The following KSR2 variants were observed in gnomAD, a reference collection of about 807,000 sequenced individuals.
The protein encoded by KSR2 is kinase suppressor of ras 2.
A neutral mutation model predicts 107.8 loss-of-function variants in KSR2; 25 were observed. The observed-to-expected ratio is 0.23, with a 90% CI of 0.17 to 0.32. The LOEUF (loss-of-function observed/expected upper bound fraction) is 0.32, where lower values mean the gene tolerates loss of function less well. KSR2 is among the 10% of genes least tolerant of loss of function. The probability of loss-of-function intolerance (pLI) is 1.00; values close to 1 mark genes in which losing one functional copy is unlikely to be tolerated. For missense variants in KSR2, 887 were observed against 1,268.9 expected (o/e 0.70, Z 4.57); for synonymous variants, 480 against 507.0 (o/e 0.95, Z 0.71).
rs1555268863 is a variant in KSR2, at chr12:117,462,263, A to AAAAAAAAAAAAT, written c.*4935_*4936insATTTTTTTTTTT. ...AAAAAAAAAAAAAAAAAAAAAAGAC[A>AAAAAAAAAAAAT]TGTTGAAGTCCTCATTCCTAGTACC... On this transcript the variant is annotated 3_prime_UTR_variant, in exon 20 of 20. Coordinates refer to ENST00000339824, the MANE Select transcript of KSR2 (RefSeq NM_173598.6). 1 of 141,232 alleles carries AAAAAAAAAAAAT rather than the reference A, an allele frequency of 7.1e-6. No homozygotes were observed. The allele number at this position is 141,232 out of a possible 1,614,324, so 8.7% of individuals were successfully genotyped here. A position where few individuals can be genotyped will look rare whatever the true frequency, so the allele number is the denominator to read the frequency against.
At chr12:117,470,518 C>G (rs1033060498) in intron 18 of KSR2, among the ~76,000 whole-genome samples, 1 of 152,168 alleles carries the variant, frequency 6.6e-6, no homozygotes, top group African/African-American at 2.4e-5. Context: ...ACAATACTTC[C>G]CAAACAGTTT....
At chr12:117,612,981 C>A (rs1881687402) in intron 5 of KSR2, among the ~76,000 whole-genome samples, 1 of 152,170 alleles carries the variant, frequency 6.6e-6, no homozygotes, top group African/African-American at 2.4e-5. Flanking sequence ...TGAGACTTCC[C>A]CAGCCATGTG....
intron 14 of KSR2, among the ~76,000 whole-genome samples, chr12:117,511,471 G>A (rs1874022608): frequency 6.6e-6 from 1 of 152,202 alleles, no homozygotes; most frequent in Non-Finnish European, 1.5e-5. Context: ...CAGCCTGGCA[G>A]GGTTAGGACT....
intron 4 of KSR2, among the ~76,000 whole-genome samples, chr12:117,692,458 ATATATATATATATATATATATATATATAT>A (rs1885859579): frequency 0.023 from 15 of 664 alleles, 3 homozygotes; most frequent in South Asian, 0.038. Context: ...TCATATATAT[ATATATATATATATATATATATATATATAT>A]ATATATATAT....
intron 1 of KSR2, among the ~76,000 whole-genome samples, chr12:117,919,498 A>C (rs1454433865): frequency 2.6e-5 from 4 of 152,252 alleles, no homozygotes; most frequent in African/African-American, 9.6e-5. Context: ...TTGTTGCAGT[A>C]CTGTTTGTAA....
intron 3 of KSR2, among the ~76,000 whole-genome samples, chr12:117,798,588 G>A (rs1022077980): frequency 4.6e-5 from 7 of 151,812 alleles, no homozygotes; most frequent in Non-Finnish European, 7.4e-5. Flanking sequence ...GGCTTAGATC[G>A]CACCATTGCA....
intron 5 of KSR2, among the ~76,000 whole-genome samples, chr12:117,610,450 C>T (rs1165426322): frequency 6.6e-6 from 1 of 151,994 alleles, no homozygotes; most frequent in Non-Finnish European, 1.5e-5. Flanking sequence ...AAAAATGATC[C>T]CAGTTATGAC....
chr12:117,615,072 G>A (rs569273387), intron 5 of KSR2, among the ~76,000 whole-genome samples: 2 of 151,984 alleles, frequency 1.3e-5, no homozygotes, highest in South Asian at 4.2e-4. Flanking sequence ...GGGTACCCTT[G>A]GCCCCTAGGG....
In KSR2 at chr12:117,842,405, A is replaced by G. The variant is rs536138207; in HGVS notation, c.472+13023T>C. On this transcript the variant is annotated intron_variant, in intron 3 of 19. Transcript: ENST00000339824. The surrounding 1 kb of genome is among the most constrained non-coding windows in gnomAD (Gnocchi z 4.2). ...AAAGGCCCTGGGGCAGGCGTTGTGA[A>G]GAAGAGAGGGTAGCTGGGTGCAATG... 6.6e-6 allele frequency among the ~76,000 whole-genome samples: 1 copy of G among 152,308 alleles called. No homozygotes were observed. The highest frequency in any genetic ancestry group is 2.1e-4 in the South Asian group (1 of 4,826).
intron 1 of KSR2, among the ~76,000 whole-genome samples, chr12:117,869,788 C>T (rs2592297): frequency 0.4 from 61,478 of 152,038 alleles, 14,255 homozygotes; most frequent in African/African-American, 0.63. Flanking sequence ...TGCTGGGACG[C>T]CTTTGTCAAC....
intron 3 of KSR2, among the ~76,000 whole-genome samples, chr12:117,810,010 C>T (rs1241158352): frequency 6.6e-6 from 1 of 152,168 alleles, no homozygotes; most frequent in African/African-American, 2.4e-5. Flanking sequence ...TCAGTCTCTG[C>T]AGCTCTGTCA....
intron 3 of KSR2, among the ~76,000 whole-genome samples, chr12:117,828,458 G>A (rs993542783): frequency 6.6e-6 from 1 of 152,134 alleles, no homozygotes; most frequent in African/African-American, 2.4e-5. Flanking sequence ...TTTTTATTGA[G>A]TGCTTACTGT....
chr12:117,478,108 C>T (rs1325421535), intron 16 of KSR2, among the ~76,000 whole-genome samples: 1 of 152,106 alleles, frequency 6.6e-6, no homozygotes, highest in African/African-American at 2.4e-5. Flanking sequence ...TCGAATCATC[C>T]TCAAAAGTGA....
chr12:117,724,912 T>A (rs549235593), intron 4 of KSR2, among the ~76,000 whole-genome samples: 39 of 151,902 alleles, frequency 2.6e-4, no homozygotes, highest in Non-Finnish European at 4.6e-4. Context: ...AGAGGAGGAA[T>A]AGACTTGGCC....
At chr12:117,901,850 T>C (rs1894694228) in intron 1 of KSR2, among the ~76,000 whole-genome samples, 1 of 152,154 alleles carries the variant, frequency 6.6e-6, no homozygotes, top group Non-Finnish European at 1.5e-5. Context: ...AACAGGGCTT[T>C]ATATATAGTC....
At chr12:117,912,322 C>T (rs1289349212) in intron 1 of KSR2, among the ~76,000 whole-genome samples, 5 of 152,172 alleles carry the variant, frequency 3.3e-5, no homozygotes, top group Non-Finnish European at 4.4e-5. Context: ...CTGTATCTTG[C>T]CTTCCTTGCT....
At chr12:117,865,413 G>C (rs1893436316) in intron 1 of KSR2, among the ~76,000 whole-genome samples, 1 of 152,088 alleles carries the variant, frequency 6.6e-6, no homozygotes, top group Middle Eastern at 3.2e-3. Context: ...ACGTTTTACT[G>C]TTCATTATTC....
chr12:117,882,912 T>C (rs1274709823), intron 1 of KSR2, among the ~76,000 whole-genome samples: 1 of 151,984 alleles, frequency 6.6e-6, no homozygotes, highest in Admixed American at 6.6e-5. Context: ...CATTCATCCA[T>C]CCAACCATCC....
rs1870619743 is a variant in KSR2, at chr12:117,456,342, AAGTACCTTAG to A, written c.*10847_*10856del. 1 of 152,256 alleles carries A rather than the reference AAGTACCTTAG, an allele frequency of 6.6e-6. No individual in the cohort carries two copies. The highest frequency in any genetic ancestry group is 2.4e-5 in the African/African-American group (1 of 41,434). 9.4% of individuals were successfully genotyped at this position (152,256 alleles called of 1,614,324 possible). On this transcript the variant is annotated 3_prime_UTR_variant, in exon 20 of 20. Coordinates refer to ENST00000339824, the MANE Select transcript of KSR2 (RefSeq NM_173598.6). ...GCAGGGGGCCTCGGTGTGGCAGGGC[AAGTACCTTAG>A]AGTACCTTGATGCCCATGCTGTAGC...
Sources: gnomAD v4.1 joint callset for allele counts (sites outside exome capture counted in the v4.1 genomes callset) on GRCh38, gnomAD v4.1.1 for gene constraint, Gnocchi (gnomAD v3.1) non-coding constraint, MANE v1.5 for transcripts, NCBI Gene and HGNC (gene_info 2026-07-23, HGNC 2026-07-21) for gene names.